EXT2: variants seen among roughly 807,000 people sequenced by gnomAD.
EXT2 encodes the protein exostosin glycosyltransferase 2.
Under a neutral mutation model 81.6 loss-of-function variants are expected in EXT2, and 53 were observed. That is an observed-to-expected ratio of 0.65 (90% CI 0.52 to 0.82). The LOEUF (loss-of-function observed/expected upper bound fraction) is 0.82, where lower values mean the gene tolerates loss of function less well. EXT2 is among the 40% of genes least tolerant of loss of function. The probability of loss-of-function intolerance (pLI) is 0.00; values close to 1 mark genes in which losing one functional copy is unlikely to be tolerated. For synonymous variants in EXT2, 320 were observed against 340.0 expected (o/e 0.94, Z 0.65); for missense variants, 774 against 910.2 (o/e 0.85, Z 1.93).
Position 44,244,594 on chromosome 11 carries a change from A to G in EXT2, c.*307A>G. The G allele has an allele frequency of 2.3e-6, 1 of 441,608 alleles. No homozygotes were observed. The allele number at this position is 441,608 out of a possible 1,614,324, so 27.4% of individuals were successfully genotyped here. On this transcript the variant is annotated 3_prime_UTR_variant, in exon 14 of 14. Transcript: ENST00000533608. ...TCCAGCTGAGGCTCCCTTTGTTTTC[A>G]GTTCCATGTAACAATCTGGAAGGAA...
chr11:44,139,402 G>A lies in EXT2; in HGVS notation c.1173+9264G>A, dbSNP rs143013647. Among the ~76,000 whole-genome samples, 74 of 152,168 alleles carry A rather than the reference G, an allele frequency of 4.9e-4. 2 individuals are homozygous for A. The East Asian group carries it at 0.014, about 29-fold the overall frequency. ...ATAGATGTTTGAGTGGTAAACAGCT[G>A]AGGAGCTACAGTCTAGTAAGTATAA... On this transcript the variant is annotated intron_variant, in intron 7 of 13. Coordinates refer to ENST00000533608, the MANE Select transcript of EXT2 (RefSeq NM_207122.2).
In EXT2 at chr11:44,202,104, G is replaced by C. The variant is rs537858099; in HGVS notation, c.1495+4086G>C. On this transcript the variant is annotated intron_variant, in intron 9 of 13. Coordinates refer to ENST00000533608, the MANE Select transcript of EXT2 (RefSeq NM_207122.2). ...GGCTACTCAGACCTAACTTGCAACA[G>C]GGAAAAGTAACCATGTATCTTAAAA... is the stretch of plus-strand genomic sequence containing the variant. Among the ~76,000 whole-genome samples, 4 of 152,264 alleles carry C rather than the reference G, an allele frequency of 2.6e-5. No homozygotes were observed. In the South Asian group the frequency reaches 8.3e-4, roughly 32 times the overall value.
intron 10 of EXT2, among the ~76,000 whole-genome samples, chr11:44,222,010 G>T (rs893405996): frequency 2.2e-4 from 34 of 152,184 alleles, no homozygotes; most frequent in Non-Finnish European, 2.8e-4. Context: ...TAATCAGTGT[G>T]ATATTTACAG....
At chr11:44,172,553 A>G (rs1955090720) in intron 8 of EXT2, among the ~76,000 whole-genome samples, 1 of 148,986 alleles carries the variant, frequency 6.7e-6, no homozygotes, top group Non-Finnish European at 1.5e-5. Flanking sequence ...CTGACCTCTC[A>G]GCCCTCCTTG....
chr11:44,150,530 T>C (rs1047852803), intron 7 of EXT2, among the ~76,000 whole-genome samples: 23 of 152,220 alleles, frequency 1.5e-4, no homozygotes, highest in Non-Finnish European at 4.4e-5. Flanking sequence ...GAAAGCAATA[T>C]GTGTTCACTA....
Position 44,249,031 on chromosome 11 carries a change from C to G in EXT2, c.*4744C>G, listed in dbSNP as rs1366995106. Among the ~76,000 whole-genome samples, 1 of 152,122 alleles carries G rather than the reference C, an allele frequency of 6.6e-6. No individual in the cohort carries two copies. The highest frequency in any genetic ancestry group is 1.9e-4 in the East Asian group (1 of 5,206). On this transcript the variant is annotated 3_prime_UTR_variant, in exon 14 of 14. Coordinates refer to ENST00000533608, the MANE Select transcript of EXT2 (RefSeq NM_207122.2). ...TTTTCTTTGGAAACAGAGTCTCACT[C>G]TGTCCCATAGGCTGGAGTGTAGTGC...
At chr11:44,101,683 G>T (rs772710617) in intron 1 of EXT2, among the ~76,000 whole-genome samples, 1 of 152,184 alleles carries the variant, frequency 6.6e-6, no homozygotes, top group Non-Finnish European at 1.5e-5. Context: ...AGTGTTGGCT[G>T]TCTTCTGTAG....
chr11:44,205,941 C>A (rs983402765), intron 9 of EXT2, among the ~76,000 whole-genome samples: 25 of 152,094 alleles, frequency 1.6e-4, no homozygotes, highest in Non-Finnish European at 1.5e-5. Context: ...ATGCTAAATG[C>A]AACATTTTAA....
chr11:44,123,471 T>G (rs1954348680), intron 4 of EXT2, among the ~76,000 whole-genome samples: 1 of 152,216 alleles, frequency 6.6e-6, no homozygotes, highest in Non-Finnish European at 1.5e-5. Context: ...GGAACATGCT[T>G]TCTGTGATTC....
rs1956088083 is a variant in EXT2 at position 44,245,744 on chromosome 11, C to T, written c.*1457C>T. On this transcript the variant is annotated 3_prime_UTR_variant, in exon 14 of 14. Coordinates refer to ENST00000533608, the MANE Select transcript of EXT2 (RefSeq NM_207122.2). ...TCAAGAGTCACTTCAGATGTGTTCC[C>T]CAGACTTTGAGAGGTCAAAGAAAGT... Among the ~76,000 whole-genome samples the T allele has an allele frequency of 6.6e-6, 1 of 152,188 alleles. No homozygotes were observed. Among genetic ancestry groups the T allele is most frequent in the Non-Finnish European group, 1.5e-5 (1 of 68,048 alleles).
chr11:44,158,562 AAATT>A (rs1294767519), intron 7 of EXT2, among the ~76,000 whole-genome samples: 49 of 150,958 alleles, frequency 3.2e-4, no homozygotes, highest in East Asian at 3.9e-4. Context: ...AATTTTAATT[AAATT>A]AATTAATTTT....
At chr11:44,182,986 G>A (rs1343981515) in intron 8 of EXT2, among the ~76,000 whole-genome samples, 4 of 152,032 alleles carry the variant, frequency 2.6e-5, no homozygotes, top group African/African-American at 4.8e-5. Flanking sequence ...TCTGTAAGAC[G>A]TCCTTTGATT....
At chr11:44,123,367 T>TA (rs1954346917) in intron 4 of EXT2, among the ~76,000 whole-genome samples, 1 of 152,242 alleles carries the variant, frequency 6.6e-6, no homozygotes, top group African/African-American at 2.4e-5. Flanking sequence ...CTGTGAGAGA[T>TA]ACGTAGCCCT....
chr11:44,125,022 G>T (rs1954380321), intron 5 of EXT2, 38 bp downstream of exon 5: 4 of 1,602,334 alleles, frequency 2.5e-6, no homozygotes, highest in Non-Finnish European at 3.4e-6. Context: ...AGGCTCAGGA[G>T]AGTTTGCTTA....
At chr11:44,203,084 CAGT>C (rs1955540094) in intron 9 of EXT2, among the ~76,000 whole-genome samples, 1 of 152,192 alleles carries the variant, frequency 6.6e-6, no homozygotes, top group African/African-American at 2.4e-5. Context: ...AAGTCTAAAT[CAGT>C]TTCCCTGTAA....
At chr11:44,212,971 G>T (rs1955670315) in intron 10 of EXT2, among the ~76,000 whole-genome samples, 1 of 151,960 alleles carries the variant, frequency 6.6e-6, no homozygotes, top group Non-Finnish European at 1.5e-5. Context: ...TATGGTGGTG[G>T]TTATATCATT....
chr11:44,236,117 C>T (rs1165552369), intron 12 of EXT2, among the ~76,000 whole-genome samples, 176 bp from the exon 13 acceptor site: 2 of 152,114 alleles, frequency 1.3e-5, no homozygotes, highest in Non-Finnish European at 2.9e-5. Flanking sequence ...GTGAGTTCTG[C>T]CGTTGGCTGA....
intron 1 of EXT2, among the ~76,000 whole-genome samples, chr11:44,102,532 CTCTTT>C (rs1953999845): frequency 2.1e-5 from 3 of 139,576 alleles, no homozygotes; most frequent in African/African-American, 8.2e-5. Context: ...CTCTGTCTCT[CTCTTT>C]TTTTTTTTTT....
At chr11:44,131,222 T>C (rs188266375) in intron 7 of EXT2, among the ~76,000 whole-genome samples, 1 of 152,356 alleles carries the variant, frequency 6.6e-6, no homozygotes, top group African/African-American at 2.4e-5. Flanking sequence ...ATCTTGTCTT[T>C]CATTCTCTTT....
Sources: gnomAD v4.1 joint callset for allele counts (sites outside exome capture counted in the v4.1 genomes callset) on GRCh38, gnomAD v4.1.1 for gene constraint, MANE v1.5 for transcripts, NCBI Gene and HGNC (gene_info 2026-07-23, HGNC 2026-07-21) for gene names.